Variants in NOTCH1 observed in about 807,000 individuals in gnomAD.
NOTCH1 encodes the protein neurogenic locus notch homolog protein 1.
A neutral mutation model predicts 254.8 loss-of-function variants in NOTCH1; 37 were observed. The observed-to-expected ratio is 0.15, with a 90% confidence interval of 0.11 to 0.19. The LOEUF (loss-of-function observed/expected upper bound fraction) is 0.19, where lower values mean the gene tolerates loss of function less well. Among genes scored for constraint, NOTCH1 ranks in the 10% least tolerant of loss-of-function variants. The pLI is 1.00. For synonymous variants in NOTCH1, 1,731 were observed against 1,618.1 expected (o/e 1.07, Z -1.68); for missense variants, 2,972 against 3,708.6 (o/e 0.80, Z 5.16).
At chr9:136,536,766 G>A (rs531908798) in intron 2 of NOTCH1, among the ~76,000 whole-genome samples, 17 of 152,328 alleles carry the variant, frequency 1.1e-4, no homozygotes, top group African/African-American at 3.6e-4. Flanking sequence ...GGCCAAGCCC[G>A]TCCATCCTGT....
intron 15 of NOTCH1, among the ~76,000 whole-genome samples, 173 bp downstream of exon 15, chr9:136,512,848 T>C (rs1483090470): frequency 6.6e-6 from 1 of 152,092 alleles, no homozygotes; most frequent in Non-Finnish European, 1.5e-5. Context: ...CAGAACCTTC[T>C]GGAAGGCCCC....
At position 136,518,564 on chromosome 9, in the gene NOTCH1, C is replaced by A. The variant is rs373190844; in HGVS notation, c.1099+27G>T. On this transcript the variant is annotated intron_variant, in intron 6 of 33. Transcript: ENST00000651671. ...AGGCCTGGCCCATGTGAGCCCCCTG[C>A]GCCCACCTGGGCCTCAAGGCACTCA... 2.5e-6 allele frequency: 4 copies of A among 1,587,152 alleles called. No individual in the cohort carries two copies. The African/African-American group carries it at 5.4e-5, about 21-fold the overall frequency.
rs2133333467 is a variant in NOTCH1 at position 136,503,264 on chromosome 9, A to C, written c.5085T>G (p.Ser1695Arg). 1 of 1,612,908 alleles carries C rather than the reference A, an allele frequency of 6.2e-7. No homozygotes were observed. Among genetic ancestry groups the C allele is most frequent in the Non-Finnish European group, 8.5e-7 (1 of 1,179,964 alleles). Residue 1695 changes from serine to arginine, a missense_variant, in exon 27 of 34, where the codon AGT becomes AGG. Transcript: ENST00000651671. ...CVQASSQCFQ[S>R]ATDVAAFLGA... ...CCAGGAATGCGGCCACGTCGGTGGC[A>C]CTCTGGAAGCACTGCGAGGAGGCCT...
At chr9:136,524,178 G>C (rs537490560) in intron 2 of NOTCH1, among the ~76,000 whole-genome samples, 199 bp from the exon 3 acceptor site, 2 of 152,240 alleles carry the variant, frequency 1.3e-5, no homozygotes, top group Non-Finnish European at 2.9e-5. Context: ...ACAACTTTGG[G>C]AATGTACTGA....
rs750560277 is a variant in NOTCH1, at chr9:136,501,793, C to T, written c.5593G>A (p.Gly1865Ser). 1.2e-6 allele frequency: 2 copies of T among 1,612,768 alleles called. No individual in the cohort carries two copies. Residue 1865 changes from glycine to serine, a missense_variant, in exon 30 of 34, where the codon GGT becomes AGT. Transcript: ENST00000651671. ...MSAMAPTPPQ[G>S]EVDADCMDVN... is the part of the protein sequence containing the mutation. ...TCCATGCAGTCGGCGTCAACCTCAC[C>T]CTGGGGCGGTGTGGGGGCCATGGCA...
Position 136,510,781 on chromosome 9 carries a change from T to C in NOTCH1, c.2612A>G (p.Asn871Ser), listed in dbSNP as rs1843168553. Residue 871 changes from asparagine to serine, a missense_variant, in exon 17 of 34, where the codon AAC becomes AGC. Around this residue, in one of 8 missense-constraint regions of NOTCH1, gnomAD observed 1,343 missense variants for 1,557.0 expected, o/e 0.86. Coordinates refer to ENST00000651671, the MANE Select transcript of NOTCH1 (RefSeq NM_017617.5). ...CCGGCACGGGCTCAGAACGCACTCG[T>C]TGATGTCGACCTCACAGGTCTGCCC... is the stretch of plus-strand genomic sequence containing the variant. ...WQGQTCEVDINECVLSPCRHG... is the reference protein window; with the variant it reads ...WQGQTCEVDISECVLSPCRHG... 4.3e-6 allele frequency: 7 copies of C among 1,610,084 alleles called. No homozygotes were observed. Among genetic ancestry groups the C allele is most frequent in the Non-Finnish European group, 5.9e-6 (7 of 1,179,848 alleles).
At chr9:136,519,383 T>A in intron 5 of NOTCH1, 60 bp downstream of exon 5, 1 of 1,604,786 alleles carries the variant, frequency 6.2e-7, no homozygotes, top group Non-Finnish European at 8.5e-7. Context: ...GAGTGCAGTT[T>A]AGTAAGTGGG....
chr9:136,539,687 T>G (rs1250757673), intron 2 of NOTCH1, among the ~76,000 whole-genome samples: 1 of 152,218 alleles, frequency 6.6e-6, no homozygotes, highest in Non-Finnish European at 1.5e-5. Context: ...CTGGCGCCCT[T>G]GAAGACCAGG....
At chr9:136,503,983 TCCTG>T (rs1267749756) in intron 26 of NOTCH1, among the ~76,000 whole-genome samples, 1 of 152,148 alleles carries the variant, frequency 6.6e-6, no homozygotes, top group African/African-American at 2.4e-5. Context: ...CTCAAGCTGC[TCCTG>T]CCTGTGTTCT....
chr9:136,508,081 C>T lies in NOTCH1; in HGVS notation c.3384G>A (p.Thr1128=), dbSNP rs200608278. The T allele has an allele frequency of 1.5e-4, 247 of 1,610,014 alleles. 1 individual carries two copies. The African/African-American group carries it at 2.5e-3, about 17-fold the overall frequency. ...HGGLCVDAGN[T]HHCRCQAGYT... ...AGCCCGCCTGGCAGCGGCAGTGGTG[C>T]GTGTTGCCCGCGTCCACACAGAGCC... is the stretch of plus-strand genomic sequence containing the variant. The change falls in exon 21 of 34, where the codon ACG becomes ACA. Residue 1128 remains threonine (T), a synonymous_variant. Transcript: ENST00000651671.
chr9:136,544,219 C>G, intron 1 of NOTCH1, 117 bp from the exon 2 acceptor site: 1 of 918,236 alleles, frequency 1.1e-6, no homozygotes, highest in Non-Finnish European at 1.7e-6. Flanking sequence ...CGCCCCCTAC[C>G]CCGGACGCAC....
Position 136,515,299 on chromosome 9 carries a change from C to G in NOTCH1, c.2005G>C (p.Gly669Arg), listed in dbSNP as rs778394191. 6.2e-7 allele frequency: 1 copy of G among 1,612,646 alleles called. No homozygotes were observed. Among genetic ancestry groups the G allele is most frequent in the Non-Finnish European group, 8.5e-7 (1 of 1,179,778 alleles). The change falls in exon 12 of 34, where the codon GGC becomes CGC. Residue 669 changes from glycine (G) to arginine (R), a missense_variant. Gly to Arg is a moderately radical substitution (Grantham distance 125). Transcript: ENST00000651671. ...GTGCAGGGCCGCTCACCTGTGTAGC[C>G]CGGCTCACAGGCACACTCGTAGCCA... is the stretch of plus-strand genomic sequence containing the variant. ...IDGYECACEP[G>R]YTGSMCNINI...
rs201987555 is a variant in NOTCH1, at chr9:136,497,448, C to A, written c.6291G>T (p.Pro2097=). Residue 2097 remains proline (P), a synonymous_variant, in exon 34 of 34, where the codon CCG becomes CCT. Coordinates refer to ENST00000651671, the MANE Select transcript of NOTCH1 (RefSeq NM_017617.5). ...GCATGCGCTCCTGTGCGATGTCGCG[C>A]GGCAGGCGGTCCATATGATCCGTGA... ...RDITDHMDRL[P]RDIAQERMHH... 40 of 1,612,278 alleles carry A rather than the reference C, an allele frequency of 2.5e-5. No individual in the cohort carries two copies. Among genetic ancestry groups the A allele is most frequent in the Non-Finnish European group, 3.3e-5 (39 of 1,179,944 alleles).
At chr9:136,519,602 G>A (rs775882365) in intron 4 of NOTCH1, 37 bp from the exon 5 acceptor site, 3 of 1,612,212 alleles carry the variant, frequency 1.9e-6, no homozygotes, top group Non-Finnish European at 2.5e-6. Context: ...TCTTCCCTGA[G>A]GTCCAGTCCG....
Position 136,502,476 on chromosome 9 carries a change from T to C in NOTCH1, c.5180A>G (p.Glu1727Gly), listed in dbSNP as rs753810197. 7.0e-6 allele frequency: 11 copies of C among 1,569,744 alleles called. 1 individual carries two copies. The South Asian group carries it at 1.1e-4, about 16-fold the overall frequency. ...KIEAVQSETV[E>G]PPPPAQLHFM... ...GTGCAGCTGCGCCGGCGGGGGCGGCTCCACGGTCTCACCTGCGGGCACGGG... is the reference window on the plus strand; with the variant it reads ...GTGCAGCTGCGCCGGCGGGGGCGGCCCCACGGTCTCACCTGCGGGCACGGG... The change falls in exon 28 of 34, where the codon GAG becomes GGG. Residue 1727 changes from glutamate (E) to glycine (G), a missense_variant. This residue lies in a region of NOTCH1 where 421 missense variants were observed against 604.4 expected (regional missense o/e 0.70). Coordinates refer to ENST00000651671, the MANE Select transcript of NOTCH1 (RefSeq NM_017617.5).
Position 136,508,400 on chromosome 9 carries a change from G to A in NOTCH1, c.3172-15C>T, listed in dbSNP as rs754311071. On this transcript the variant is annotated splice_polypyrimidine_tract_variant and intron_variant, in intron 19 of 33. Transcript: ENST00000651671. ...TGCACAAGGTTCTGGGGACAGATTGGGGTCAGCTGGGTGCCCGCGCCCCGG... is the reference window on the plus strand; with the variant it reads ...TGCACAAGGTTCTGGGGACAGATTGAGGTCAGCTGGGTGCCCGCGCCCCGG... 1 of 1,612,938 alleles carries A rather than the reference G, an allele frequency of 6.2e-7. No individual in the cohort carries two copies. The highest frequency in any genetic ancestry group is 8.5e-7 in the Non-Finnish European group (1 of 1,179,970).
In NOTCH1 at chr9:136,515,150, CA is replaced by C. The variant is rs1304340908; in HGVS notation, c.2014+139del. ...GCCAGTTATAGCCCTGGTCCCGCTG[CA>C]ATCTCTGCTGCAGACCACGGTCTGC... On this transcript the variant is annotated intron_variant, in intron 12 of 33. Transcript: ENST00000651671. The C allele has an allele frequency of 6.5e-6, 5 of 766,980 alleles. No homozygotes were observed. In the African/African-American group the frequency reaches 6.9e-5, roughly 11 times the overall value. The allele number at this position is 766,980 out of a possible 1,614,324, so 47.5% of individuals were successfully genotyped here.
rs1843713651 is a variant in NOTCH1 at position 136,540,265 on chromosome 9, C to T, written c.140+3759G>A. On this transcript the variant is annotated intron_variant, in intron 2 of 33. Transcript: ENST00000651671. The surrounding 1 kb of genome is among the most constrained non-coding windows in gnomAD (Gnocchi z 4.4). ...AGGGGCCATGTCTGCCCTGTCCCCACCGGGGGCCTGGCCTGGAGCAGAACG... is the reference window on the plus strand; with the variant it reads ...AGGGGCCATGTCTGCCCTGTCCCCATCGGGGGCCTGGCCTGGAGCAGAACG... Among the ~76,000 whole-genome samples the T allele has an allele frequency of 6.6e-6, 1 of 152,202 alleles. No homozygotes were observed.
rs758471372 is a variant in NOTCH1, at chr9:136,508,312, C to A, written c.3245G>T (p.Arg1082Leu). The A allele has an allele frequency of 4.3e-6, 7 of 1,612,836 alleles. No individual in the cohort carries two copies. The highest frequency in any genetic ancestry group is 1.3e-5 in the African/African-American group (1 of 74,920). The change falls in exon 20 of 34, where the codon CGC becomes CTC. Residue 1082 changes from arginine (R) to leucine (L), a missense_variant. Arg to Leu is a moderately radical substitution (Grantham distance 102). This residue lies in a region of NOTCH1 where 1,343 missense variants were observed against 1,557.0 expected (regional missense o/e 0.86). Transcript: ENST00000651671. ...GKCWQTHTQYRCECPSGWTGL... is the reference protein window; with the variant it reads ...GKCWQTHTQYLCECPSGWTGL... ...GGTCCAGCCGCTGGGGCACTCGCAG[C>A]GGTACTGGGTGTGGGTCTGCCAGCA...
Sources: gnomAD v4.1 joint callset for allele counts (sites outside exome capture counted in the v4.1 genomes callset) on GRCh38, gnomAD v4.1.1 for gene constraint, gnomAD v4.1.1 regional missense constraint, Gnocchi (gnomAD v3.1) non-coding constraint, MANE v1.5 for transcripts, NCBI Gene and HGNC (gene_info 2026-07-23, HGNC 2026-07-21) for gene names.